The following MYT1L variants were observed in gnomAD, a reference collection of about 807,000 sequenced individuals.
The protein encoded by MYT1L is myelin transcription factor 1 like.
MYT1L carries 12 observed loss-of-function variants against 126.7 expected under a neutral mutation model. The observed-to-expected ratio is 0.09, with a 90% confidence interval of 0.06 to 0.15. MYT1L has a LOEUF of 0.15. MYT1L is among the 10% of genes least tolerant of loss of function. MYT1L has a pLI of 1.00. For synonymous variants in MYT1L, 541 were observed against 604.2 expected, an observed-to-expected ratio of 0.90 and a Z score of 1.53; for missense variants, 979 against 1,585.2, an observed-to-expected ratio of 0.62 and a Z score of 6.49.
At chr2:1,890,235 A>G (rs1273817928) in intron 15 of MYT1L, among the ~76,000 whole-genome samples, 1 of 151,788 alleles carries the variant, frequency 6.6e-6, no homozygotes, top group Non-Finnish European at 1.5e-5. Flanking sequence ...ATGCCCAACT[A>G]ATTTTTGTAT....
At chr2:1,982,274 C>T (rs1300917125) in intron 5 of MYT1L, among the ~76,000 whole-genome samples, 1 of 152,164 alleles carries the variant, frequency 6.6e-6, no homozygotes, top group Non-Finnish European at 1.5e-5. Flanking sequence ...AGGCCATTCA[C>T]ATCCACGAGA....
chr2:1,987,443 C>T (rs940261977), intron 5 of MYT1L, among the ~76,000 whole-genome samples: 1 of 151,950 alleles, frequency 6.6e-6, no homozygotes. Context: ...ATGGGAGGGG[C>T]AGCCAGTGTT....
chr2:2,010,366 T>C (rs897976015), intron 4 of MYT1L, among the ~76,000 whole-genome samples: 2 of 152,146 alleles, frequency 1.3e-5, no homozygotes, highest in Non-Finnish European at 2.9e-5. Context: ...GTCTGAAGGC[T>C]GACTGTATGT....
chr2:2,090,900 C>A (rs2076850019), intron 3 of MYT1L, among the ~76,000 whole-genome samples: 3 of 152,228 alleles, frequency 2.0e-5, no homozygotes, highest in Admixed American at 2.0e-4. Flanking sequence ...AGAAGCAACT[C>A]CTCATCCATT....
intron 4 of MYT1L, among the ~76,000 whole-genome samples, chr2:1,998,950 T>C (rs1413850162): frequency 2.0e-5 from 3 of 152,156 alleles, no homozygotes; most frequent in Non-Finnish European, 4.4e-5. Flanking sequence ...TGAAGACAGA[T>C]TCTAAATGAT....
In MYT1L at chr2:1,945,407, A is replaced by T. The variant is rs765489459; in HGVS notation, c.153-2073T>A. Among the ~76,000 whole-genome samples, 49 of 152,248 alleles carry T rather than the reference A, an allele frequency of 3.2e-4. 1 individual carries two copies. The highest frequency in any genetic ancestry group is 5.4e-4 in the Non-Finnish European group (37 of 68,018). ...CTGAGGAGGGTGCCCAGATCATGAGACAGATGAGAGAGGCCAGGAGGACCA... is the reference window on the plus strand; with the variant it reads ...CTGAGGAGGGTGCCCAGATCATGAGTCAGATGAGAGAGGCCAGGAGGACCA... On this transcript the variant is annotated intron_variant, in intron 8 of 24. Coordinates refer to ENST00000647738, the MANE Select transcript of MYT1L (RefSeq NM_001303052.2).
At position 1,979,655 on chromosome 2, in the gene MYT1L, C is replaced by A. The variant is rs981350119; in HGVS notation, c.55+68G>T. On this transcript the variant is annotated intron_variant, in intron 6 of 24. Coordinates refer to ENST00000647738, the MANE Select transcript of MYT1L (RefSeq NM_001303052.2). The surrounding 1 kb of genome is among the most constrained non-coding windows in gnomAD (Gnocchi z 4.0). ...GGTGGCATGAAAGTGGGGTCAGAAT[C>A]GACCTCAGTTCCGCAGGATGAAGGT... 3 of 1,604,806 alleles carry A rather than the reference C, an allele frequency of 1.9e-6. No homozygotes were observed. The highest frequency in any genetic ancestry group is 1.1e-5 in the South Asian group (1 of 90,804).
intron 1 of MYT1L, among the ~76,000 whole-genome samples, chr2:2,300,925 C>A (rs1418722116): frequency 1.3e-5 from 2 of 152,196 alleles, no homozygotes; most frequent in Non-Finnish European, 2.9e-5. Context: ...AAAACGCCCA[C>A]TCTCCTGCAG....
intron 3 of MYT1L, among the ~76,000 whole-genome samples, chr2:2,105,937 C>T (rs2078697373): frequency 2.6e-5 from 4 of 152,244 alleles, no homozygotes; most frequent in South Asian, 2.1e-4. Flanking sequence ...TTTTTATTCC[C>T]GAGACAGGGT....
chr2:2,043,805 C>T (rs956145722), intron 4 of MYT1L, among the ~76,000 whole-genome samples: 1 of 152,104 alleles, frequency 6.6e-6, no homozygotes, highest in African/African-American at 2.4e-5. Context: ...GAATATGGTA[C>T]ATAAAAACTT....
chr2:2,092,243 C>A (rs570233461), intron 3 of MYT1L, among the ~76,000 whole-genome samples: 1 of 152,074 alleles, frequency 6.6e-6, no homozygotes, highest in Admixed American at 6.6e-5. Context: ...GAGGTCATTG[C>A]AGGGTTGTTC....
intron 3 of MYT1L, among the ~76,000 whole-genome samples, chr2:2,080,565 T>C (rs1422707171): frequency 2.0e-5 from 3 of 152,154 alleles, no homozygotes; most frequent in Non-Finnish European, 4.4e-5. Flanking sequence ...AATAATCTCA[T>C]GAAAAGATGC....
chr2:2,267,995 C>A (rs547434855), intron 2 of MYT1L, among the ~76,000 whole-genome samples: 19 of 152,294 alleles, frequency 1.2e-4, no homozygotes, highest in African/African-American at 4.3e-4. Flanking sequence ...TGAAGATTTA[C>A]TCTTCTAATC....
chr2:2,096,052 C>T (rs1575132298), intron 3 of MYT1L, among the ~76,000 whole-genome samples: 1 of 152,266 alleles, frequency 6.6e-6, no homozygotes, highest in Middle Eastern at 3.4e-3. Context: ...TAATTGAGCT[C>T]ATAATTTAAA....
At chr2:1,996,692 C>T (rs1174033155) in intron 5 of MYT1L, among the ~76,000 whole-genome samples, 4 of 133,794 alleles carry the variant, frequency 3.0e-5, no homozygotes, top group Non-Finnish European at 4.7e-5. Flanking sequence ...TGCACAGAAC[C>T]GAGTGTAGAT....
intron 8 of MYT1L, chr2:1,974,599 C>T (rs2060035991): frequency 6.6e-6 from 1 of 151,564 alleles, no homozygotes; most frequent in South Asian, 2.1e-4. Flanking sequence ...GTATCAGGGC[C>T]CAAAAATGTT....
At chr2:2,219,909 T>A (rs1169122485) in intron 2 of MYT1L, among the ~76,000 whole-genome samples, 1 of 152,114 alleles carries the variant, frequency 6.6e-6, no homozygotes, top group Non-Finnish European at 1.5e-5. Context: ...GTTCAAGTGC[T>A]ATTTCTTTAT....
At chr2:2,036,957 CCAGT>C (rs1176432860) in intron 4 of MYT1L, among the ~76,000 whole-genome samples, 1 of 152,182 alleles carries the variant, frequency 6.6e-6, no homozygotes. Flanking sequence ...CTGATGCCAG[CCAGT>C]GAGTGATGCA....
chr2:2,066,892 T>G (rs900065321), intron 3 of MYT1L, among the ~76,000 whole-genome samples: 9 of 152,192 alleles, frequency 5.9e-5, no homozygotes, highest in African/African-American at 1.9e-4. Context: ...GTAACACATT[T>G]AACAAAAGGT....
Sources: gnomAD v4.1 joint callset for allele counts (sites outside exome capture counted in the v4.1 genomes callset) on GRCh38, gnomAD v4.1.1 for gene constraint, Gnocchi (gnomAD v3.1) non-coding constraint, MANE v1.5 for transcripts, NCBI Gene and HGNC (gene_info 2026-07-23, HGNC 2026-07-21) for gene names.